The following KCTD16 variants were observed in gnomAD, a reference collection of about 807,000 sequenced individuals.
The protein encoded by KCTD16 is BTB/POZ domain-containing protein KCTD16.
In KCTD16, 13 loss-of-function variants were observed where a neutral mutation model predicts 33.2. That is an observed-to-expected ratio of 0.39 (90% CI 0.25 to 0.62). The LOEUF (loss-of-function observed/expected upper bound fraction) is 0.62. KCTD16 is among the 20% of genes least tolerant of loss of function. The pLI is 0.50. For synonymous variants in KCTD16, 197 were observed against 195.3 expected, an observed-to-expected ratio of 1.01 and a Z score of -0.07; for missense variants, 441 against 525.1, an observed-to-expected ratio of 0.84 and a Z score of 1.57.
At chr5:144,359,196 T>C (rs1216299225) in intron 3 of KCTD16, among the ~76,000 whole-genome samples, 1 of 152,214 alleles carries the variant, frequency 6.6e-6, no homozygotes, top group Non-Finnish European at 1.5e-5. Context: ...ATAGGACTGA[T>C]TATAAATGGA....
chr5:144,309,662 C>T (rs1476955349), intron 3 of KCTD16, among the ~76,000 whole-genome samples: 1 of 152,112 alleles, frequency 6.6e-6, no homozygotes, highest in Non-Finnish European at 1.5e-5. Context: ...AAAGGCATAA[C>T]TAGAGGCTAC....
At chr5:144,175,733 A>C (rs1752491077) in intron 2 of KCTD16, among the ~76,000 whole-genome samples, 1 of 152,208 alleles carries the variant, frequency 6.6e-6, no homozygotes, top group Non-Finnish European at 1.5e-5. Flanking sequence ...CTGTAAAAGC[A>C]AGATAGGAGT....
At chr5:144,390,823 A>C (rs1340279140) in intron 3 of KCTD16, among the ~76,000 whole-genome samples, 1 of 152,134 alleles carries the variant, frequency 6.6e-6, no homozygotes, top group Admixed American at 6.5e-5. Context: ...GATGGTTTGC[A>C]GCTTCATCCA....
intron 3 of KCTD16, among the ~76,000 whole-genome samples, chr5:144,456,875 C>T (rs1278583357): frequency 6.6e-6 from 1 of 151,582 alleles, no homozygotes; most frequent in Non-Finnish European, 1.5e-5. Flanking sequence ...GTTTTTCCCT[C>T]AATATTCTGT....
At chr5:144,364,122 A>G (rs1019382296) in intron 3 of KCTD16, among the ~76,000 whole-genome samples, 16 of 152,156 alleles carry the variant, frequency 1.1e-4, no homozygotes, top group Non-Finnish European at 1.3e-4. Flanking sequence ...TAATATCCTA[A>G]AAACATAAGC....
chr5:144,376,399 G>A (rs1752094510), intron 3 of KCTD16, among the ~76,000 whole-genome samples: 1 of 152,148 alleles, frequency 6.6e-6, no homozygotes, highest in Non-Finnish European at 1.5e-5. Flanking sequence ...CCTTTGTAGA[G>A]AGAGATAGAC....
intron 3 of KCTD16, among the ~76,000 whole-genome samples, chr5:144,301,152 A>C (rs1751427140): frequency 6.6e-6 from 1 of 151,634 alleles, no homozygotes; most frequent in Admixed American, 6.6e-5. Flanking sequence ...GAGGCAGGAG[A>C]ATCCCTTGAA....
chr5:144,249,750 T>A (rs1007620310), intron 3 of KCTD16, among the ~76,000 whole-genome samples: 2 of 152,182 alleles, frequency 1.3e-5, no homozygotes, highest in African/African-American at 4.8e-5. Context: ...ATTTTATATA[T>A]GAAAATGAGG....
chr5:144,400,844 G>A (rs964941413), intron 3 of KCTD16, among the ~76,000 whole-genome samples: 1 of 152,200 alleles, frequency 6.6e-6, no homozygotes, highest in African/African-American at 2.4e-5. Flanking sequence ...AGGTATTTGA[G>A]CTGAGACTTG....
intron 3 of KCTD16, among the ~76,000 whole-genome samples, chr5:144,395,752 G>A (rs569993760): frequency 6.6e-6 from 1 of 152,256 alleles, no homozygotes; most frequent in South Asian, 2.1e-4. Flanking sequence ...GTCCTGATCT[G>A]GACCATGGGA....
intron 3 of KCTD16, among the ~76,000 whole-genome samples, chr5:144,326,096 A>T (rs1278185458): frequency 6.6e-6 from 1 of 152,146 alleles, no homozygotes; most frequent in Non-Finnish European, 1.5e-5. Context: ...TTTCTCAGAG[A>T]ACTCAACTCA....
At chr5:144,440,619 G>T (rs1376546314) in intron 3 of KCTD16, among the ~76,000 whole-genome samples, 2 of 151,744 alleles carry the variant, frequency 1.3e-5, no homozygotes, top group Non-Finnish European at 2.9e-5. Context: ...ATTCCTTGAG[G>T]TCAGGAGTTC....
At chr5:144,395,022 A>G (rs1408513882) in intron 3 of KCTD16, among the ~76,000 whole-genome samples, 2 of 152,200 alleles carry the variant, frequency 1.3e-5, no homozygotes, top group Non-Finnish European at 2.9e-5. Context: ...CAGAAGCAGC[A>G]ATATCACCTG....
intron 3 of KCTD16, among the ~76,000 whole-genome samples, chr5:144,382,777 C>A (rs1752245003): frequency 6.6e-6 from 1 of 152,174 alleles, no homozygotes; most frequent in South Asian, 2.1e-4. Context: ...GGATGTTCAT[C>A]TCTTTTACTT....
In KCTD16 at chr5:144,259,776, A is replaced by G. The variant is rs527964741; in HGVS notation, c.832+52230A>G. Reference sequence around the variant, plus strand: ...GTCAGGCTCTTTCTTTGACAAACAGATGCAAGTAGGTGACCTGTCAAAAGC... The same window carrying G: ...GTCAGGCTCTTTCTTTGACAAACAGGTGCAAGTAGGTGACCTGTCAAAAGC... On this transcript the variant is annotated intron_variant, in intron 3 of 3. Coordinates refer to ENST00000512467, the MANE Select transcript of KCTD16 (RefSeq NM_020768.4). Among the ~76,000 whole-genome samples the G allele has an allele frequency of 8.1e-4, 123 of 152,320 alleles. 4 individuals carry two copies. In the South Asian group the frequency reaches 0.024, roughly 30 times the overall value.
intron 3 of KCTD16, among the ~76,000 whole-genome samples, chr5:144,464,147 T>C (rs1754264486): frequency 6.6e-6 from 1 of 152,212 alleles, no homozygotes; most frequent in East Asian, 1.9e-4. Flanking sequence ...ATTGTGAATA[T>C]AATGGCTGGG....
chr5:144,201,542 A>G (rs1753045276), intron 2 of KCTD16, among the ~76,000 whole-genome samples: 1 of 152,240 alleles, frequency 6.6e-6, no homozygotes, highest in South Asian at 2.1e-4. Flanking sequence ...GACATTTATT[A>G]AGCACTTGCT....
rs538833480 is a variant in KCTD16 at position 144,295,217 on chromosome 5, G to A, written c.832+87671G>A. ...AAGCATTTTAGCAGTAGTAGTACAC[G>A]TAAGTGTCCTGTTTAATGGTACATA... On this transcript the variant is annotated intron_variant, in intron 3 of 3. Coordinates refer to ENST00000512467, the MANE Select transcript of KCTD16 (RefSeq NM_020768.4). Among the ~76,000 whole-genome samples the A allele has an allele frequency of 4.2e-3, 641 of 152,302 alleles. 5 individuals carry two copies. The highest frequency in any genetic ancestry group is 4.4e-3 in the Non-Finnish European group (299 of 68,034).
At chr5:144,418,257 A>G (rs377494047) in intron 3 of KCTD16, among the ~76,000 whole-genome samples, 18 of 152,154 alleles carry the variant, frequency 1.2e-4, no homozygotes, top group Admixed American at 6.5e-4. Context: ...AGGCTTCCAC[A>G]GCGTGGAAGG....
Sources: gnomAD v4.1 joint callset for allele counts (sites outside exome capture counted in the v4.1 genomes callset) on GRCh38, gnomAD v4.1.1 for gene constraint, MANE v1.5 for transcripts, NCBI Gene and HGNC (gene_info 2026-07-23, HGNC 2026-07-21) for gene names.